TBC1D24: variants seen among roughly 807,000 people sequenced by gnomAD.
TBC1D24 encodes the protein Infantile myoclonic epilepsy.
Under a neutral mutation model 50.7 loss-of-function variants are expected in TBC1D24, and 47 were observed. The observed-to-expected ratio is 0.93, with a 90% CI of 0.73 to 1.18. TBC1D24 has a LOEUF of 1.18. Ranked by LOEUF, TBC1D24 falls within the 50% of genes most tolerant of loss-of-function variation. The pLI, the probability that TBC1D24 is intolerant of heterozygous loss-of-function variation, is 0.00. For missense variants in TBC1D24, 688 were observed against 766.5 expected, an observed-to-expected ratio of 0.90 and a Z score of 1.21; for synonymous variants, 324 against 335.2, an observed-to-expected ratio of 0.97 and a Z score of 0.36.
At chr16:2,495,002 TCACACACACA>T (rs527454795) in intron 1 of TBC1D24, among the ~76,000 whole-genome samples, 2 of 137,976 alleles carry the variant, frequency 1.4e-5, no homozygotes, top group Non-Finnish European at 3.2e-5. Flanking sequence ...CAAGACCCCA[TCACACACACA>T]CACACACACA....
chr16:2,496,050 C>A lies in TBC1D24; in HGVS notation c.-99C>A. ...ATCCTGCAGGGTGTGAGATGGCAGACAGGTTTGCAGGAAACCCTCAGAAAG... is the reference window on the plus strand; with the variant it reads ...ATCCTGCAGGGTGTGAGATGGCAGAAAGGTTTGCAGGAAACCCTCAGAAAG... On this transcript the variant is annotated 5_prime_UTR_variant, in exon 2 of 8. Transcript: ENST00000646147. The A allele has an allele frequency of 6.7e-7, 1 of 1,493,200 alleles. No individual in the cohort carries two copies. Among genetic ancestry groups the A allele is most frequent in the Non-Finnish European group, 9.2e-7 (1 of 1,089,300 alleles). The allele number at this position is 1,493,200 out of a possible 1,614,324, so 92.5% of individuals were successfully genotyped here.
chr16:2,505,090 A>T lies in TBC1D24; in HGVS notation c.*4132A>T, dbSNP rs2065825089. The T allele has an allele frequency of 6.6e-6, 1 of 152,196 alleles. No homozygotes were observed. Among genetic ancestry groups the T allele is most frequent in the Non-Finnish European group, 1.5e-5 (1 of 68,032 alleles). 9.4% of individuals were successfully genotyped at this position (152,196 alleles called of 1,614,324 possible). ...CAGCCTAAATGTCTTGTTTGCGTGGAGAAATTATCAAATGAAGCAGGAGTG... is the reference window on the plus strand; with the variant it reads ...CAGCCTAAATGTCTTGTTTGCGTGGTGAAATTATCAAATGAAGCAGGAGTG... On this transcript the variant is annotated 3_prime_UTR_variant, in exon 8 of 8. Transcript: ENST00000646147.
chr16:2,497,330 C>T (rs146276096), intron 2 of TBC1D24, among the ~76,000 whole-genome samples: 311 of 152,360 alleles, frequency 2.0e-3, no homozygotes, highest in Non-Finnish European at 3.6e-3. Flanking sequence ...GCCAGGCCCA[C>T]GGCTGAGATG....
At position 2,504,462 on chromosome 16, in the gene TBC1D24, AGGCTGGAGTGCAGTGGCGCGATCTC is replaced by A. The variant is rs955973010; in HGVS notation, c.*3509_*3533del. 1 of 125,272 alleles carries A rather than the reference AGGCTGGAGTGCAGTGGCGCGATCTC, an allele frequency of 8.0e-6. No homozygotes were observed. Among genetic ancestry groups the A allele is most frequent in the Non-Finnish European group, 1.6e-5 (1 of 64,290 alleles). 7.8% of individuals were successfully genotyped at this position (125,272 alleles called of 1,614,324 possible). A position where few individuals can be genotyped will look rare whatever the true frequency, so the allele number is the denominator to read the frequency against. On this transcript the variant is annotated 3_prime_UTR_variant, in exon 8 of 8. Transcript: ENST00000646147. The stretch of plus-strand genomic sequence containing the variant: ...GAGACAGAGTCTCGCTCTGTCGCCC[AGGCTGGAGTGCAGTGGCGCGATCTC>A]GGCTCACCGCAAGCCCCGCCTCCCG...
chr16:2,481,953 T>A (rs1205025551), intron 1 of TBC1D24: 1 of 152,290 alleles, frequency 6.6e-6, no homozygotes, highest in Non-Finnish European at 1.5e-5. Flanking sequence ...AAGAGCCCAC[T>A]ATCAAGTTCC....
At position 2,496,804 on chromosome 16, in the gene TBC1D24, A is replaced by G; in HGVS notation, c.656A>G (p.Glu219Gly). The change falls in exon 2 of 8, where the codon GAG (glutamate) becomes GGG (glycine). Residue 219 changes from glutamate to glycine, a missense_variant. Glu to Gly is a moderately conservative substitution (Grantham distance 98). Transcript: ENST00000646147. ...GACTGGCAGCGCTGGCTGTTTGGGG[A>G]GCTGCCCCTCTGCTACTTCGCCCGG... is the stretch of plus-strand genomic sequence containing the variant. ...YADWQRWLFGELPLCYFARVF... is the reference protein window; with the variant it reads ...YADWQRWLFGGLPLCYFARVF... 1.9e-6 allele frequency: 3 copies of G among 1,613,764 alleles called. No homozygotes were observed. The highest frequency in any genetic ancestry group is 1.7e-6 in the Non-Finnish European group (2 of 1,180,020).
rs985723121 is a variant in TBC1D24 at position 2,487,883 on chromosome 16, G to C, written c.-115-8151G>C. On this transcript the variant is annotated intron_variant, in intron 1 of 7. Coordinates refer to ENST00000646147, the MANE Select transcript of TBC1D24 (RefSeq NM_001199107.2). This position sits in a 1 kb window ranked among gnomAD's most constrained non-coding sequence, Gnocchi z 4.1. ...TCAGGGACCCTCTGGAGCCTCTCTC[G>C]GAGGTCCTCGCTGTCCCAGGATGAA... Among the ~76,000 whole-genome samples the C allele has an allele frequency of 1.3e-5, 2 of 152,150 alleles. No homozygotes were observed. Among genetic ancestry groups the C allele is most frequent in the Non-Finnish European group, 2.9e-5 (2 of 68,020 alleles).
In TBC1D24 at chr16:2,503,727, T is replaced by G. The variant is rs1377390448; in HGVS notation, c.*2769T>G. 1 of 152,098 alleles carries G rather than the reference T, an allele frequency of 6.6e-6. No homozygotes were observed. 9.4% of individuals were successfully genotyped at this position (152,098 alleles called of 1,614,324 possible). On this transcript the variant is annotated 3_prime_UTR_variant, in exon 8 of 8. Transcript: ENST00000646147. ...TACGCCACCACGCCCAGCTAAATTT[T>G]TTTTGTATTTTTAGTAGAGGCAGGG...
chr16:2,499,979 C>T lies in TBC1D24; in HGVS notation c.1302+49C>T, dbSNP rs2065777534. The T allele has an allele frequency of 6.4e-7, 1 of 1,554,058 alleles. No individual in the cohort carries two copies. On this transcript the variant is annotated intron_variant, in intron 6 of 7. Transcript: ENST00000646147. The surrounding 1 kb of genome is among the most constrained non-coding windows in gnomAD (Gnocchi z 4.0). ...AACCCCCACGCAGACCCTGTAGCTG[C>T]ATCCCTCCAGGAGCACCCGCCTGCC...
At position 2,496,245 on chromosome 16, in the gene TBC1D24, CA is replaced by C; in HGVS notation, c.98del (p.Gln33ArgfsTer3). ...GPKELSCTEL[Q>X]ELKQLARQGY... ...CAAGGAGCTGAGCTGCACTGAACTG[CA>C]GGAACTGAAGCAGCTGGCGCGCCAG... On this transcript the variant is annotated frameshift_variant, in exon 2 of 8. Coordinates refer to ENST00000646147, the MANE Select transcript of TBC1D24 (RefSeq NM_001199107.2). LOFTEE classifies it high-confidence loss of function. The C allele has an allele frequency of 6.2e-7, 1 of 1,613,934 alleles. No individual in the cohort carries two copies. The highest frequency in any genetic ancestry group is 8.5e-7 in the Non-Finnish European group (1 of 1,180,038).
rs117326340 is a variant in TBC1D24 at position 2,486,084 on chromosome 16, C to T, written c.-115-9950C>T. On this transcript the variant is annotated intron_variant, in intron 1 of 7. Coordinates refer to ENST00000646147, the MANE Select transcript of TBC1D24 (RefSeq NM_001199107.2). This position sits in a 1 kb window ranked among gnomAD's most constrained non-coding sequence, Gnocchi z 5.8. Reference sequence around the variant, plus strand: ...GTGCTCAGGAGCGGGTGGGGCCTGCCGGTCTCCCTAGCCCACCACCAGGTT... The same window carrying T: ...GTGCTCAGGAGCGGGTGGGGCCTGCTGGTCTCCCTAGCCCACCACCAGGTT... Among the ~76,000 whole-genome samples, 723 of 152,304 alleles carry T rather than the reference C, an allele frequency of 4.7e-3. 14 individuals carry two copies. The highest frequency in any genetic ancestry group is 0.026 in the East Asian group (137 of 5,184).
In TBC1D24 at chr16:2,496,887, A is replaced by G; in HGVS notation, c.739A>G (p.Ile247Val). The G allele has an allele frequency of 1.2e-6, 2 of 1,614,136 alleles. No individual in the cohort carries two copies. Among genetic ancestry groups the G allele is most frequent in the African/African-American group, 1.3e-5 (1 of 75,064 alleles). The change falls in exon 2 of 8, where the codon ATC (isoleucine) becomes GTC (valine). Residue 247 changes from isoleucine to valine, a missense_variant. Transcript: ENST00000646147. ...YKVLYRVALA[I>V]LKFFHKVRAG... ...GGTGCTGTACCGCGTGGCGCTGGCC[A>G]TCCTCAAGTTCTTCCACAAGGTGAG...
chr16:2,498,794 G>C (rs2065766158), intron 4 of TBC1D24, among the ~76,000 whole-genome samples: 3 of 152,246 alleles, frequency 2.0e-5, no homozygotes, highest in Admixed American at 2.0e-4. Context: ...GGTGCAGCCA[G>C]GGAGCCTCCC....
rs527454795 is a variant in TBC1D24 at position 2,495,002 on chromosome 16, TCACACACA to T, written c.-115-1007_-115-1000del. Among the ~76,000 whole-genome samples, 20 of 138,050 alleles carry T rather than the reference TCACACACA, an allele frequency of 1.4e-4. No homozygotes were observed. The East Asian group carries it at 2.9e-3, about 20-fold the overall frequency. The allele number at this position is 138,050 out of a possible 152,430, so 90.6% of individuals were successfully genotyped here. ...ACCTGGGTGACAGAACAAGACCCCA[TCACACACA>T]CACACACACACACACACACACACAA... On this transcript the variant is annotated intron_variant, in intron 1 of 7. Transcript: ENST00000646147.
chr16:2,495,742 G>A (rs1280626184), intron 1 of TBC1D24, among the ~76,000 whole-genome samples: 1 of 151,944 alleles, frequency 6.6e-6, no homozygotes, highest in Non-Finnish European at 1.5e-5. Flanking sequence ...TCGTGACACT[G>A]TACTCCAGCC....
At position 2,496,040 on chromosome 16, in the gene TBC1D24, A is replaced by G; in HGVS notation, c.-109A>G. 1 of 1,404,058 alleles carries G rather than the reference A, an allele frequency of 7.1e-7. No individual in the cohort carries two copies. Among genetic ancestry groups the G allele is most frequent in the Non-Finnish European group, 9.9e-7 (1 of 1,011,390 alleles). The allele number at this position is 1,404,058 out of a possible 1,614,324, so 87.0% of individuals were successfully genotyped here. A position where few individuals can be genotyped will look rare whatever the true frequency, so the allele number is the denominator to read the frequency against. ...TGTTTTTTTAATCCTGCAGGGTGTGAGATGGCAGACAGGTTTGCAGGAAAC... is the reference window on the plus strand; with the variant it reads ...TGTTTTTTTAATCCTGCAGGGTGTGGGATGGCAGACAGGTTTGCAGGAAAC... On this transcript the variant is annotated 5_prime_UTR_variant, in exon 2 of 8. Transcript: ENST00000646147.
chr16:2,479,419 C>A (rs1026902602), intron 1 of TBC1D24: 1 of 152,236 alleles, frequency 6.6e-6, no homozygotes, highest in African/African-American at 2.4e-5. Context: ...GACCGAGAGA[C>A]CCAAGGCTGC....
At position 2,504,820 on chromosome 16, in the gene TBC1D24, C is replaced by G. The variant is rs2065822822; in HGVS notation, c.*3862C>G. On this transcript the variant is annotated 3_prime_UTR_variant, in exon 8 of 8. Coordinates refer to ENST00000646147, the MANE Select transcript of TBC1D24 (RefSeq NM_001199107.2). ...TAAGTCCAGAATATCATCAAACTCA[C>G]AAAACCACTGGTCAAAAAAACCCAA... The G allele has an allele frequency of 6.6e-6, 1 of 152,106 alleles. No homozygotes were observed. The highest frequency in any genetic ancestry group is 1.5e-5 in the Non-Finnish European group (1 of 68,038). 9.4% of individuals were successfully genotyped at this position (152,106 alleles called of 1,614,324 possible).
rs1346941903 is a variant in TBC1D24, at chr16:2,502,660, C to T, written c.*1702C>T. On this transcript the variant is annotated 3_prime_UTR_variant, in exon 8 of 8. Coordinates refer to ENST00000646147, the MANE Select transcript of TBC1D24 (RefSeq NM_001199107.2). ...CCAGCTGTGAAATGGGGCCAGTCCC[C>T]ATGCCCTGCTGTCCTCCTCACAGGA... The T allele has an allele frequency of 6.5e-6, 1 of 152,758 alleles. No homozygotes were observed. The highest frequency in any genetic ancestry group is 1.5e-5 in the Non-Finnish European group (1 of 68,118). 9.5% of individuals were successfully genotyped at this position (152,758 alleles called of 1,614,324 possible). A position where few individuals can be genotyped will look rare whatever the true frequency, so the allele number is the denominator to read the frequency against.
Sources: gnomAD v4.1 joint callset for allele counts (sites outside exome capture counted in the v4.1 genomes callset) on GRCh38, gnomAD v4.1.1 for gene constraint, Gnocchi (gnomAD v3.1) non-coding constraint, MANE v1.5 for transcripts, NCBI Gene and HGNC (gene_info 2026-07-23, HGNC 2026-07-21) for gene names.